Variants in XPO4 observed in about 807,000 individuals in gnomAD.
The protein encoded by XPO4 is exportin 4, also known as exportin-4.
In XPO4, 39 loss-of-function variants were observed where a neutral mutation model predicts 143.0. The ratio of observed to expected loss-of-function variants is 0.27; its 90% CI spans 0.21 to 0.36. The LOEUF (loss-of-function observed/expected upper bound fraction) is 0.36. Ranked by LOEUF, XPO4 falls within the 10% of genes least tolerant of loss-of-function variation. XPO4 has a pLI of 1.00. For missense variants in XPO4, 907 were observed against 1,348.0 expected (o/e 0.67, Z 5.12); for synonymous variants, 439 against 474.0 (o/e 0.93, Z 0.96).
intron 13 of XPO4, among the ~76,000 whole-genome samples, chr13:20,801,538 C>G (rs907895203): frequency 6.6e-6 from 1 of 152,174 alleles, no homozygotes; most frequent in Non-Finnish European, 1.5e-5. Flanking sequence ...AAAACTCTTG[C>G]TAGAAAGATT....
At chr13:20,848,325 TCTAACA>T in intron 4 of XPO4, 3 of 985,410 alleles carry the variant, frequency 3.0e-6, no homozygotes, top group Non-Finnish European at 3.6e-6. Flanking sequence ...AAATCTGGGC[TCTAACA>T]GTCCAAGATT....
chr13:20,817,796 G>A (rs1448336421), intron 9 of XPO4, among the ~76,000 whole-genome samples: 1 of 152,130 alleles, frequency 6.6e-6, no homozygotes, highest in Non-Finnish European at 1.5e-5. Flanking sequence ...ATTATTGATA[G>A]AATTTTAATC....
intron 4 of XPO4, chr13:20,851,767 T>C (rs2060092479): frequency 2.0e-6 from 2 of 980,938 alleles, no homozygotes; most frequent in South Asian, 4.7e-5. Context: ...AATTTGACTT[T>C]AAAAAAAACT....
At chr13:20,842,843 A>G in intron 6 of XPO4, 52 bp downstream of exon 6, 1 of 1,511,238 alleles carries the variant, frequency 6.6e-7, no homozygotes. Flanking sequence ...GCTGTAATTA[A>G]GTCACCTATG....
In XPO4 at chr13:20,782,496, T is replaced by C. The variant is rs748532177; in HGVS notation, c.*1226A>G. 5 of 152,630 alleles carry C rather than the reference T, an allele frequency of 3.3e-5. No homozygotes were observed. Among genetic ancestry groups the C allele is most frequent in the Admixed American group, 3.3e-4 (5 of 15,282 alleles). 9.5% of individuals were successfully genotyped at this position (152,630 alleles called of 1,614,324 possible). ...GAATTTTTAATCTCTGAAATTAAATTCACTGGCTCCCATGTCTGGATAAGA... is the reference window on the plus strand; with the variant it reads ...GAATTTTTAATCTCTGAAATTAAATCCACTGGCTCCCATGTCTGGATAAGA... On this transcript the variant is annotated 3_prime_UTR_variant, in exon 23 of 23. Coordinates refer to ENST00000255305, the MANE Select transcript of XPO4 (RefSeq NM_022459.5).
chr13:20,835,361 A>T (rs942979836), intron 6 of XPO4, among the ~76,000 whole-genome samples: 10 of 152,216 alleles, frequency 6.6e-5, no homozygotes. Flanking sequence ...AAATTCCCTC[A>T]TGCTGACTTC....
rs185908224 is a variant in XPO4 at position 20,868,180 on chromosome 13, A to T, written c.175+416T>A. Among the ~76,000 whole-genome samples the T allele has an allele frequency of 2.8e-3, 420 of 151,886 alleles. 4 individuals carry two copies. The East Asian group carries it at 0.036, about 13-fold the overall frequency. ...CAAACTAAATGGTTAAAAAAAAAAAAAACTATGGAAAACAACTAAAAGAAA... is the reference window on the plus strand; with the variant it reads ...CAAACTAAATGGTTAAAAAAAAAAATAACTATGGAAAACAACTAAAAGAAA... On this transcript the variant is annotated intron_variant, in intron 2 of 22. Transcript: ENST00000255305.
chr13:20,805,737 G>C (rs1228463737), intron 13 of XPO4, among the ~76,000 whole-genome samples: 1 of 152,164 alleles, frequency 6.6e-6, no homozygotes, highest in Non-Finnish European at 1.5e-5. Flanking sequence ...TTCTAAAAGA[G>C]AAGTGACTTC....
chr13:20,786,283 G>GTA (rs147465636), intron 22 of XPO4, among the ~76,000 whole-genome samples: 53,038 of 138,098 alleles, frequency 0.38, 11,379 homozygotes, highest in Non-Finnish European at 0.5. Context: ...ATGCTGGGAG[G>GTA]TATATATATA....
chr13:20,870,242 A>T (rs2060282910), intron 1 of XPO4, among the ~76,000 whole-genome samples: 1 of 152,038 alleles, frequency 6.6e-6, no homozygotes, highest in Non-Finnish European at 1.5e-5. Flanking sequence ...AGCCTGGCCA[A>T]CATGGTGAAA....
intron 1 of XPO4, among the ~76,000 whole-genome samples, chr13:20,880,839 T>C (rs2060401902): frequency 6.6e-6 from 1 of 151,676 alleles, no homozygotes; most frequent in South Asian, 2.1e-4. Flanking sequence ...GCACCTGTAG[T>C]CCCACCTACT....
intron 1 of XPO4, 121 bp downstream of exon 1, chr13:20,902,549 C>G (rs1176252717): frequency 3.0e-6 from 4 of 1,324,806 alleles, no homozygotes; most frequent in East Asian, 3.1e-5. Context: ...ACCTCCTCCT[C>G]CACTTCCAGG....
At chr13:20,838,347 C>T (rs1312393056) in intron 6 of XPO4, among the ~76,000 whole-genome samples, 5 of 151,774 alleles carry the variant, frequency 3.3e-5, no homozygotes, top group South Asian at 4.1e-4. Flanking sequence ...CAGTGGCTCA[C>T]GCCTGTAATC....
intron 1 of XPO4, among the ~76,000 whole-genome samples, chr13:20,880,416 G>A (rs958479034): frequency 8.6e-5 from 13 of 151,066 alleles, no homozygotes; most frequent in African/African-American, 2.9e-4. Context: ...TGGGCGACAA[G>A]AGCGAGACTC....
At chr13:20,899,979 A>G (rs1358318873) in intron 1 of XPO4, among the ~76,000 whole-genome samples, 3 of 152,192 alleles carry the variant, frequency 2.0e-5, no homozygotes, top group Non-Finnish European at 4.4e-5. Flanking sequence ...CAGCTTAAGA[A>G]CCACAGACTG....
chr13:20,811,041 A>G (rs1181545544), intron 9 of XPO4, among the ~76,000 whole-genome samples: 2 of 152,164 alleles, frequency 1.3e-5, no homozygotes, highest in African/African-American at 4.8e-5. Context: ...TTTGGCTAAA[A>G]GGTCACTCTA....
intron 5 of XPO4, 125 bp from the exon 6 acceptor site, chr13:20,843,173 G>A (rs531587689): frequency 1.4e-4 from 134 of 982,406 alleles, no homozygotes; most frequent in African/African-American, 1.3e-3. Context: ...CCTTAAGAAC[G>A]TGTTCCATTT....
intron 18 of XPO4, among the ~76,000 whole-genome samples, chr13:20,791,334 C>T (rs1453247040): frequency 6.6e-6 from 1 of 152,090 alleles, no homozygotes; most frequent in East Asian, 1.9e-4. Flanking sequence ...ATGTGGTTAA[C>T]CTCAAAAGCA....
intron 4 of XPO4, chr13:20,848,267 C>G (rs2060047265): frequency 1.0e-6 from 1 of 983,926 alleles, no homozygotes; most frequent in Admixed American, 6.1e-5. Flanking sequence ...TTCTGCAGGA[C>G]TCTTTCAGGA....
Sources: allele counts gnomAD v4.1 joint callset (sites outside exome capture counted in the v4.1 genomes callset), GRCh38; gene constraint gnomAD v4.1.1; transcripts MANE v1.5; gene names NCBI Gene and HGNC (gene_info 2026-07-23, HGNC 2026-07-21).